SPECC1L: variants seen among roughly 807,000 people sequenced by gnomAD.
SPECC1L encodes cytospin-A.
SPECC1L carries 40 observed loss-of-function variants against 116.8 expected under a neutral mutation model. The observed-to-expected ratio is 0.34, with a 90% confidence interval of 0.27 to 0.45. The LOEUF (loss-of-function observed/expected upper bound fraction) is 0.45. Ranked by LOEUF, SPECC1L falls within the 20% of genes least tolerant of loss-of-function variation. The pLI is 1.00. For synonymous variants in SPECC1L, 504 were observed against 500.6 expected (o/e 1.01, Z -0.09); for missense variants, 1,110 against 1,373.6 (o/e 0.81, Z 3.03).
intron 10 of SPECC1L, 33 bp downstream of exon 10, chr22:24,338,510 GC>G: frequency 5.6e-6 from 9 of 1,600,232 alleles, no homozygotes; most frequent in Non-Finnish European, 7.7e-6. Context: ...GGCTCTTAGA[GC>G]CTCAGAATCT....
rs1212655369 is a variant in SPECC1L at position 24,343,987 on chromosome 22, G to A, written c.2653-3099G>A. 6.6e-5 allele frequency among the ~76,000 whole-genome samples: 10 copies of A among 152,164 alleles called. No homozygotes were observed. The East Asian group carries it at 1.5e-3, about 23-fold the overall frequency. On this transcript the variant is annotated intron_variant, in intron 10 of 16. Coordinates refer to ENST00000314328, the MANE Select transcript of SPECC1L (RefSeq NM_015330.6). ...TTAAAATAAAAAGGCTTCCCACATA[G>A]AAAACTCCAGGCCCAGGTGGTTTTA...
intron 14 of SPECC1L, among the ~76,000 whole-genome samples, chr22:24,398,143 C>A (rs983156356): frequency 6.6e-6 from 1 of 152,196 alleles, no homozygotes; most frequent in East Asian, 1.9e-4. Flanking sequence ...TCAGAGGCCT[C>A]TCCTGGGGCC....
At chr22:24,289,038 A>G (rs1203912382) in intron 2 of SPECC1L, among the ~76,000 whole-genome samples, 1 of 152,216 alleles carries the variant, frequency 6.6e-6, no homozygotes. Context: ...TAAATGTACA[A>G]ATAGATTGAT....
At chr22:24,350,554 T>C (rs932587222) in intron 11 of SPECC1L, among the ~76,000 whole-genome samples, 3 of 152,202 alleles carry the variant, frequency 2.0e-5, no homozygotes, top group African/African-American at 7.2e-5. Flanking sequence ...ATAGCTCTCA[T>C]TGGCCCACAA....
chr22:24,391,583 C>A (rs954754367), intron 14 of SPECC1L, among the ~76,000 whole-genome samples: 3 of 152,168 alleles, frequency 2.0e-5, no homozygotes, highest in Non-Finnish European at 2.9e-5. Flanking sequence ...TCATTTCACT[C>A]CCCTCACTGT....
In SPECC1L at chr22:24,330,242, G is replaced by GT; in HGVS notation, c.2221-8dup. On this transcript the variant is annotated splice_polypyrimidine_tract_variant and intron_variant, in intron 7 of 16. Transcript: ENST00000314328. The stretch of plus-strand genomic sequence containing the variant: ...GCTCTCTTTTGGAAATAAAAAGTTA[G>GT]TTTTTTAATATAGGAAGAATCTGCG... The GT allele has an allele frequency of 6.2e-7, 1 of 1,613,078 alleles. No individual in the cohort carries two copies. Among genetic ancestry groups the GT allele is most frequent in the Non-Finnish European group, 8.5e-7 (1 of 1,179,524 alleles).
Position 24,416,053 on chromosome 22 carries a change from A to T in SPECC1L, c.*1430A>T, listed in dbSNP as rs1426315687. On this transcript the variant is annotated 3_prime_UTR_variant, in exon 17 of 17. Coordinates refer to ENST00000314328, the MANE Select transcript of SPECC1L (RefSeq NM_015330.6). ...GCGGGGTCACTGCCCCACAGACTGG[A>T]TGCAATGAGGGGCTCACAGGAGGCC... The T allele has an allele frequency of 6.6e-6, 1 of 152,274 alleles. No individual in the cohort carries two copies. Among genetic ancestry groups the T allele is most frequent in the Admixed American group, 6.5e-5 (1 of 15,282 alleles). The allele number at this position is 152,274 out of a possible 1,614,324, so 9.4% of individuals were successfully genotyped here.
intron 2 of SPECC1L, among the ~76,000 whole-genome samples, chr22:24,279,128 T>A (rs2048892868): frequency 2.0e-5 from 3 of 152,338 alleles, no homozygotes; most frequent in Admixed American, 2.0e-4. Flanking sequence ...TGAGCTTTTA[T>A]GTATTTATTA....
chr22:24,282,053 C>A (rs534374838), intron 2 of SPECC1L, among the ~76,000 whole-genome samples: 3 of 152,262 alleles, frequency 2.0e-5, no homozygotes, highest in African/African-American at 7.2e-5. Context: ...GCTGATTGGT[C>A]AGGGGTGAAA....
In SPECC1L at chr22:24,321,278, A is replaced by G. The variant is rs201744911; in HGVS notation, c.308-10A>G. On this transcript the variant is annotated splice_polypyrimidine_tract_variant and intron_variant, in intron 4 of 16. Transcript: ENST00000314328. ...ATTTTTGCCTTACATTTTTTGTATT[A>G]AACACATAGGCACAGCTTCTTCAAC... The G allele has an allele frequency of 1.9e-6, 3 of 1,613,140 alleles. No homozygotes were observed. In the African/African-American group the frequency reaches 4.0e-5, roughly 22 times the overall value.
At position 24,321,605 on chromosome 22, in the gene SPECC1L, A is replaced by G. The variant is rs1444940173; in HGVS notation, c.625A>G (p.Met209Val). ...ACATTTGAGAAATGAACTGCGAGAC[A>G]TGCGTGCCCAGCTGGGCATTAATGA... ...ILHLRNELRD[M>V]RAQLGINEDH... The change falls in exon 5 of 17, where the codon ATG becomes GTG. Residue 209 changes from methionine to valine, a missense_variant. Physicochemically the swap from Met to Val is conservative, Grantham distance 21. This residue lies in a region of SPECC1L where 437 missense variants were observed against 482.6 expected (regional missense o/e 0.91). Coordinates refer to ENST00000314328, the MANE Select transcript of SPECC1L (RefSeq NM_015330.6). 3 of 1,614,108 alleles carry G rather than the reference A, an allele frequency of 1.9e-6. No individual in the cohort carries two copies. The highest frequency in any genetic ancestry group is 2.7e-5 in the African/African-American group (2 of 74,928).
intron 13 of SPECC1L, 30 bp downstream of exon 13, chr22:24,365,662 G>C: frequency 1.2e-6 from 2 of 1,612,542 alleles, no homozygotes; most frequent in East Asian, 2.2e-5. Context: ...CATGCATTTC[G>C]TGTGTACCTT....
intron 1 of SPECC1L, among the ~76,000 whole-genome samples, chr22:24,271,531 A>G (rs2048727567): frequency 6.6e-6 from 1 of 152,232 alleles, no homozygotes; most frequent in African/African-American, 2.4e-5. Flanking sequence ...AGACGTGGTT[A>G]ATTGCATCAG....
chr22:24,405,838 CAAAA>C (rs35648769), intron 14 of SPECC1L, among the ~76,000 whole-genome samples: 1 of 136,444 alleles, frequency 7.3e-6, no homozygotes, highest in Non-Finnish European at 1.6e-5. Context: ...GACTCTGCCT[CAAAA>C]AAAAAAAAAA....
rs1287897606 is a variant in SPECC1L at position 24,334,423 on chromosome 22, C to T, written c.2410C>T (p.Arg804Ter). Residue 804 changes from arginine (R) to a stop codon, truncating the protein, a stop_gained, in exon 9 of 17, where the codon CGA becomes TGA. Transcript: ENST00000314328. LOFTEE classifies it high-confidence loss of function. Reference sequence around the variant, plus strand: ...TATTATTTTCAGGCAAGAGGAGGAGCGAGGCCGGGTATACAATTACATGAA... The same window carrying T: ...TATTATTTTCAGGCAAGAGGAGGAGTGAGGCCGGGTATACAATTACATGAA... The part of the protein sequence containing the change: ...EIKSRKQEEE[R>*]GRVYNYMNAV... 1 of 1,613,870 alleles carries T rather than the reference C, an allele frequency of 6.2e-7. No homozygotes were observed. Among genetic ancestry groups the T allele is most frequent in the Non-Finnish European group, 8.5e-7 (1 of 1,179,980 alleles).
chr22:24,394,895 A>G (rs1313140200), intron 14 of SPECC1L, among the ~76,000 whole-genome samples: 1 of 152,108 alleles, frequency 6.6e-6, no homozygotes. Context: ...CAGTGGTGCA[A>G]TCATAGCTCA....
At chr22:24,301,133 A>G (rs1413737868) in intron 2 of SPECC1L, among the ~76,000 whole-genome samples, 4 of 152,230 alleles carry the variant, frequency 2.6e-5, no homozygotes, top group African/African-American at 9.6e-5. Flanking sequence ...TAAGTAAACT[A>G]AAGAGCTTCT....
intron 13 of SPECC1L, among the ~76,000 whole-genome samples, chr22:24,367,984 G>T (rs772773091): frequency 6.6e-5 from 10 of 152,150 alleles, no homozygotes; most frequent in Middle Eastern, 3.2e-3. Flanking sequence ...TTGGTGTTCT[G>T]TTCCACTTCC....
chr22:24,377,007 C>T (rs1473321475), intron 14 of SPECC1L, among the ~76,000 whole-genome samples: 1 of 151,902 alleles, frequency 6.6e-6, no homozygotes, highest in Non-Finnish European at 1.5e-5. Context: ...TACCCATTAG[C>T]ATTCATTCTC....
Sources: gnomAD v4.1 joint callset for allele counts (sites outside exome capture counted in the v4.1 genomes callset) on GRCh38, gnomAD v4.1.1 for gene constraint, gnomAD v4.1.1 regional missense constraint, MANE v1.5 for transcripts, NCBI Gene and HGNC (gene_info 2026-07-23, HGNC 2026-07-21) for gene names.